ANKS6: variants seen among roughly 807,000 people sequenced by gnomAD.
The protein encoded by ANKS6 is ankyrin repeat and SAM domain-containing protein 6.
Under a neutral mutation model 77.9 loss-of-function variants are expected in ANKS6, and 47 were observed. The observed-to-expected ratio is 0.60, with a 90% confidence interval of 0.48 to 0.77. The LOEUF is 0.77. Ranked by LOEUF, ANKS6 falls within the 30% of genes least tolerant of loss-of-function variation. The pLI, the probability that ANKS6 is intolerant of heterozygous loss-of-function variation, is 0.00. For synonymous variants in ANKS6, 488 were observed against 501.7 expected (o/e 0.97, Z 0.37); for missense variants, 1,150 against 1,159.1 (o/e 0.99, Z 0.11).
rs1834432000 is a variant in ANKS6, at chr9:98,784,134, T to C, written c.931A>G (p.Ile311Val). 14 of 1,550,452 alleles carry C rather than the reference T, an allele frequency of 9.0e-6. No individual in the cohort carries two copies. The East Asian group carries it at 2.4e-4, about 26-fold the overall frequency. The change falls in exon 4 of 15, where the codon ATT (isoleucine) becomes GTT (valine). Residue 311 changes from isoleucine to valine, a missense_variant. Transcript: ENST00000353234. ...ACGTGGCTGGGGTCTTCATCGGCAA[T>C]CTCTTTGACCAGCTGGAAGTTTCCT... is the stretch of plus-strand genomic sequence containing the variant. ...KMGNFQLVKE[I>V]ADEDPSHVNL...
intron 1 of ANKS6, among the ~76,000 whole-genome samples, chr9:98,795,072 C>A (rs1035451257): frequency 6.6e-6 from 1 of 152,072 alleles, no homozygotes; most frequent in African/African-American, 2.4e-5. Context: ...TTCACAGAAG[C>A]CAGATCTCTA....
rs1834831942 is a variant in ANKS6 at position 98,790,334 on chromosome 9, A to G, written c.632T>C (p.Met211Thr). Reference sequence around the variant, plus strand: ...GTGGTTGGGGTCCGCGCCCCACTCCATCAGTAGACGCACCACGGCCTCGTG... The same window carrying G: ...GTGGTTGGGGTCCGCGCCCCACTCCGTCAGTAGACGCACCACGGCCTCGTG... ...HGHEAVVRLL[M>T]EWGADPNHAA... The change falls in exon 2 of 15, where the codon ATG becomes ACG. Residue 211 changes from methionine (M) to threonine (T), a missense_variant. Coordinates refer to ENST00000353234, the MANE Select transcript of ANKS6 (RefSeq NM_173551.5). The G allele has an allele frequency of 1.9e-6, 3 of 1,611,418 alleles. No homozygotes were observed. Among genetic ancestry groups the G allele is most frequent in the Non-Finnish European group, 1.7e-6 (2 of 1,178,848 alleles).
rs1282008631 is a variant in ANKS6, at chr9:98,773,942, T to C, written c.1756A>G (p.Met586Val). 2.5e-6 allele frequency: 4 copies of C among 1,600,978 alleles called. No homozygotes were observed. The highest frequency in any genetic ancestry group is 1.1e-5 in the South Asian group (1 of 89,682). Residue 586 changes from methionine to valine, a missense_variant, in exon 9 of 15, where the codon ATG becomes GTG. Coordinates refer to ENST00000353234, the MANE Select transcript of ANKS6 (RefSeq NM_173551.5). ...GCTCTCTGGGGCAGCGCAGTCTTCA[T>C]GGGGTCTGCCTTCCCGTTGTGACGC... Reference protein sequence around the residue: ...RTRHNGKADPMKTALPQRASR... With the variant: ...RTRHNGKADPVKTALPQRASR...
rs750550123 is a variant in ANKS6 at position 98,777,405 on chromosome 9, C to T, written c.1617G>A (p.Met539Ile). ...GEKEDTLLTT[M>I]LRNGAPLTRL... is the part of the protein sequence containing the mutation. ...GCTTTTAGAAAAGCCCCACACTCACCATGGTTGTCAATAACGTGTCTTCCT... is the reference window on the plus strand; with the variant it reads ...GCTTTTAGAAAAGCCCCACACTCACTATGGTTGTCAATAACGTGTCTTCCT... The change falls in exon 8 of 15, where the codon ATG becomes ATA. Residue 539 changes from methionine to isoleucine, a missense_variant and splice_region_variant. Physicochemically the swap from Met to Ile is conservative, Grantham distance 10 (BLOSUM62 1). Transcript: ENST00000353234. The T allele has an allele frequency of 9.3e-6, 15 of 1,614,030 alleles. No individual in the cohort carries two copies. The highest frequency in any genetic ancestry group is 1.1e-5 in the Non-Finnish European group (13 of 1,180,024).
intron 14 of ANKS6, among the ~76,000 whole-genome samples, chr9:98,740,953 C>T (rs773847015): frequency 6.6e-5 from 10 of 152,136 alleles, no homozygotes; most frequent in Non-Finnish European, 1.5e-4. Context: ...GAATAACAAA[C>T]TCTCACACAC....
intron 2 of ANKS6, among the ~76,000 whole-genome samples, chr9:98,787,893 A>C (rs981169173): frequency 5.3e-5 from 8 of 152,230 alleles, no homozygotes; most frequent in African/African-American, 1.9e-4. Context: ...AACGCCGACA[A>C]CACTATGGAG....
intron 11 of ANKS6, among the ~76,000 whole-genome samples, chr9:98,762,458 A>G (rs1833067632): frequency 6.6e-6 from 1 of 152,204 alleles, no homozygotes; most frequent in African/African-American, 2.4e-5. Flanking sequence ...TTTGGTACAA[A>G]GTTGACAGTT....
Position 98,733,665 on chromosome 9 carries a change from A to C in ANKS6, c.*2854T>G. 1.0e-6 allele frequency: 1 copy of C among 985,450 alleles called. No individual in the cohort carries two copies. Among genetic ancestry groups the C allele is most frequent in the Non-Finnish European group, 1.2e-6 (1 of 829,940 alleles). The allele number at this position is 985,450 out of a possible 1,614,324, so 61.0% of individuals were successfully genotyped here. A position where few individuals can be genotyped will look rare whatever the true frequency, so the allele number is the denominator to read the frequency against. On this transcript the variant is annotated 3_prime_UTR_variant, in exon 15 of 15. Coordinates refer to ENST00000353234, the MANE Select transcript of ANKS6 (RefSeq NM_173551.5). ...GCACCTTGGAGAAGTGATGAGAGTA[A>C]TGTGGGAGATGCTATGAGTTTCTTG...
intron 1 of ANKS6, among the ~76,000 whole-genome samples, chr9:98,793,296 C>G (rs935696406): frequency 2.6e-5 from 4 of 152,332 alleles, no homozygotes; most frequent in African/African-American, 9.6e-5. Context: ...AGCACAGGCT[C>G]TGGAGCCACC....
chr9:98,780,212 G>A lies in ANKS6; in HGVS notation c.1345C>T (p.Pro449Ser). ...ACCTTCAGTCCACCCTTGTCATCGG[G>A]CAGCACTGGGATGCTCCAGGGCTGT... Reference protein sequence around the residue: ...VRQPWSIPVLPDDKGGLKSWW... With the variant: ...VRQPWSIPVLSDDKGGLKSWW... Residue 449 changes from proline (P) to serine (S), a missense_variant, in exon 6 of 15, where the codon CCC (proline) becomes TCC (serine). Physicochemically the swap from Pro to Ser is moderately conservative, Grantham distance 74. Coordinates refer to ENST00000353234, the MANE Select transcript of ANKS6 (RefSeq NM_173551.5). 1 of 1,614,062 alleles carries A rather than the reference G, an allele frequency of 6.2e-7. No homozygotes were observed. Among genetic ancestry groups the A allele is most frequent in the Non-Finnish European group, 8.5e-7 (1 of 1,180,034 alleles).
intron 11 of ANKS6, among the ~76,000 whole-genome samples, chr9:98,760,116 G>GA (rs1188629510): frequency 6.6e-6 from 1 of 151,648 alleles, no homozygotes; most frequent in Non-Finnish European, 1.5e-5. Flanking sequence ...ATGTGTCAAT[G>GA]AAAAAAAATA....
chr9:98,795,948 T>C, intron 1 of ANKS6, 185 bp downstream of exon 1: 1 of 578,282 alleles, frequency 1.7e-6, no homozygotes, highest in East Asian at 3.6e-5. Context: ...TCTGATTTTA[T>C]GTTAATTCAA....
intron 11 of ANKS6, among the ~76,000 whole-genome samples, chr9:98,763,079 A>G (rs1833098002): frequency 6.6e-6 from 1 of 152,136 alleles, no homozygotes; most frequent in Non-Finnish European, 1.5e-5. Context: ...GAACAAGTAG[A>G]GAGAAAATCA....
chr9:98,732,528 T>G lies in ANKS6; in HGVS notation c.*3991A>C, dbSNP rs1254063300. 22 of 1,550,626 alleles carry G rather than the reference T, an allele frequency of 1.4e-5. No homozygotes were observed. The highest frequency in any genetic ancestry group is 1.9e-5 in the Non-Finnish European group (22 of 1,146,986). ...GCTACCTCTTGCCGGAGGCAGTTTC[T>G]TCTGGCCTCACCCACCCAACCATGG... On this transcript the variant is annotated 3_prime_UTR_variant, in exon 15 of 15. Coordinates refer to ENST00000353234, the MANE Select transcript of ANKS6 (RefSeq NM_173551.5).
At chr9:98,748,003 C>T (rs1267005811) in intron 13 of ANKS6, among the ~76,000 whole-genome samples, 1 of 152,206 alleles carries the variant, frequency 6.6e-6, no homozygotes, top group Non-Finnish European at 1.5e-5. Flanking sequence ...CAGGTCCGTT[C>T]CCCCTCTTTC....
In ANKS6 at chr9:98,773,861, T is replaced by C; in HGVS notation, c.1821+16A>G. On this transcript the variant is annotated intron_variant, in intron 9 of 14. Coordinates refer to ENST00000353234, the MANE Select transcript of ANKS6 (RefSeq NM_173551.5). ...GCAGTGAGTGATGTGTAAAAGTGTG[T>C]CAGAAGACAACTTACAGTGTCTGTG... 2 of 1,512,136 alleles carry C rather than the reference T, an allele frequency of 1.3e-6. No individual in the cohort carries two copies. Among genetic ancestry groups the C allele is most frequent in the Non-Finnish European group, 1.8e-6 (2 of 1,134,296 alleles). The allele number at this position is 1,512,136 out of a possible 1,614,324, so 93.7% of individuals were successfully genotyped here.
In ANKS6 at chr9:98,770,882, G is replaced by T; in HGVS notation, c.1972+14C>A. The T allele has an allele frequency of 1.4e-6, 2 of 1,441,310 alleles. No individual in the cohort carries two copies. Among genetic ancestry groups the T allele is most frequent in the Non-Finnish European group, 1.8e-6 (2 of 1,087,944 alleles). 89.3% of individuals were successfully genotyped at this position (1,441,310 alleles called of 1,614,324 possible). A position where few individuals can be genotyped will look rare whatever the true frequency, so the allele number is the denominator to read the frequency against. On this transcript the variant is annotated intron_variant, in intron 10 of 14. Coordinates refer to ENST00000353234, the MANE Select transcript of ANKS6 (RefSeq NM_173551.5). ...TCACCCCACCTCCCTGAGTGGCCCTGCCCAGCTACTCACCTGAGCGGTTAA... is the reference window on the plus strand; with the variant it reads ...TCACCCCACCTCCCTGAGTGGCCCTTCCCAGCTACTCACCTGAGCGGTTAA...
intron 5 of ANKS6, 125 bp from the exon 6 acceptor site, chr9:98,780,462 G>A (rs1419507441): frequency 1.7e-6 from 2 of 1,154,286 alleles, no homozygotes; most frequent in East Asian, 5.2e-5. Context: ...TGTAATTCCA[G>A]AATCAAGGCA....
At chr9:98,751,344 CAGAG>C (rs141633902) in intron 12 of ANKS6, among the ~76,000 whole-genome samples, 1 of 152,230 alleles carries the variant, frequency 6.6e-6, no homozygotes, top group Non-Finnish European at 1.5e-5. Context: ...TGTGAAGACA[CAGAG>C]AGTCTGGGCC....
Sources: allele counts gnomAD v4.1 joint callset (sites outside exome capture counted in the v4.1 genomes callset), GRCh38; gene constraint gnomAD v4.1.1; transcripts MANE v1.5; gene names NCBI Gene and HGNC (gene_info 2026-07-23, HGNC 2026-07-21).